ANKRD36B: variants seen among roughly 807,000 people sequenced by gnomAD.
ANKRD36B encodes the protein ankyrin repeat domain 36B.
A neutral mutation model predicts 135.7 loss-of-function variants in ANKRD36B; 37 were observed. The observed-to-expected ratio is 0.27, with a 90% CI of 0.21 to 0.36. ANKRD36B has a LOEUF of 0.36. Among genes scored for constraint, ANKRD36B ranks in the 10% least tolerant of loss-of-function variants. ANKRD36B has a pLI of 1.00. For synonymous variants in ANKRD36B, 179 were observed against 348.1 expected, an observed-to-expected ratio of 0.51 and a Z score of 5.41; for missense variants, 549 against 1,037.1, an observed-to-expected ratio of 0.53 and a Z score of 6.46.
rs1441277358 is a variant in ANKRD36B at position 97,578,993 on chromosome 2, A to C, written c.608T>G (p.Leu203Arg). ...CACATCAATATTGTGCTGCAGAAGA[A>C]GAATGACTATATCTTTTTCTCCAAG... ...VTLGEKDIVILLLQHNIDVFS... is the reference protein window; with the variant it reads ...VTLGEKDIVIRLLQHNIDVFS... Residue 203 changes from leucine to arginine, a missense_variant, in exon 5 of 44, where the codon CTT (leucine) becomes CGT (arginine). Coordinates refer to ENST00000359901, the MANE Select transcript of ANKRD36B (RefSeq NM_001393939.1). 2 of 1,612,616 alleles carry C rather than the reference A, an allele frequency of 1.2e-6. No homozygotes were observed. Among genetic ancestry groups the C allele is most frequent in the African/African-American group, 1.3e-5 (1 of 74,890 alleles).
intron 35 of ANKRD36B, among the ~76,000 whole-genome samples, chr2:97,531,981 T>C (rs537921043): frequency 1.0e-5 from 1 of 95,644 alleles, no homozygotes; most frequent in African/African-American, 3.1e-5. Flanking sequence ...GTCATCACTG[T>C]TAAATTGTTC....
chr2:97,588,196 C>T (rs1318895111), intron 1 of ANKRD36B, among the ~76,000 whole-genome samples: 2 of 152,162 alleles, frequency 1.3e-5, no homozygotes, highest in South Asian at 2.1e-4. Context: ...CCATAACGAA[C>T]TTATTTCTGT....
At chr2:97,546,613 T>C (rs750925880) in intron 22 of ANKRD36B, among the ~76,000 whole-genome samples, 5 of 151,726 alleles carry the variant, frequency 3.3e-5, no homozygotes, top group Non-Finnish European at 7.4e-5. Flanking sequence ...AAGCATTAGA[T>C]ATTAATCAGT....
intron 12 of ANKRD36B, 77 bp from the exon 13 acceptor site, chr2:97,555,331 A>G (rs1363408234): frequency 1.6e-5 from 25 of 1,585,578 alleles, no homozygotes; most frequent in Non-Finnish European, 2.0e-5. Flanking sequence ...AAATGTTAGC[A>G]TCAAGCTGTA....
chr2:97,566,859 A>C (rs548412315), intron 6 of ANKRD36B, among the ~76,000 whole-genome samples: 4 of 152,262 alleles, frequency 2.6e-5, no homozygotes, highest in Non-Finnish European at 5.9e-5. Flanking sequence ...ATTTTTCCCC[A>C]GCAACAAGCA....
At position 97,524,851 on chromosome 2, in the gene ANKRD36B, T is replaced by C. The variant is rs1160103209; in HGVS notation, c.2266-1384A>G. 1.2e-4 allele frequency: 12 copies of C among 97,212 alleles called. 6 individuals carry two copies. The highest frequency in any genetic ancestry group is 2.7e-4 in the Non-Finnish European group (10 of 36,542). 6.0% of individuals were successfully genotyped at this position (97,212 alleles called of 1,614,324 possible). A position where few individuals can be genotyped will look rare whatever the true frequency, so the allele number is the denominator to read the frequency against. On this transcript the variant is annotated intron_variant, in intron 35 of 43. Coordinates refer to ENST00000359901, the MANE Select transcript of ANKRD36B (RefSeq NM_001393939.1). ...TCTCATACTTTTGTGCACAAGTAAGTCCTGAATATATAAAGAGGTCCTTTC... is the reference window on the plus strand; with the variant it reads ...TCTCATACTTTTGTGCACAAGTAAGCCCTGAATATATAAAGAGGTCCTTTC...
chr2:97,532,763 G>C (rs1163088157), intron 34 of ANKRD36B, among the ~76,000 whole-genome samples: 1 of 89,738 alleles, frequency 1.1e-5, no homozygotes, highest in African/African-American at 3.3e-5. Flanking sequence ...TCTAAAACCA[G>C]AAAATAAAAG....
chr2:97,555,339 G>C, intron 12 of ANKRD36B, 85 bp from the exon 13 acceptor site: 1 of 1,577,426 alleles, frequency 6.3e-7, no homozygotes, highest in Non-Finnish European at 8.7e-7. Context: ...GCATCAAGCT[G>C]TATCTTCCTG....
chr2:97,589,504 C>T (rs2083272179), intron 1 of ANKRD36B, 21 bp downstream of exon 1: 1 of 1,559,796 alleles, frequency 6.4e-7, no homozygotes, highest in Non-Finnish European at 8.7e-7. Context: ...TCCCGCAGCC[C>T]CGGCTCCCGG....
chr2:97,543,595 T>C, intron 26 of ANKRD36B, among the ~76,000 whole-genome samples, 195 bp downstream of exon 26: 1 of 78,104 alleles, frequency 1.3e-5, no homozygotes, highest in Admixed American at 1.1e-4. Context: ...GGGAAGTCTA[T>C]ATAATCTTAC....
At chr2:97,589,442 C>T (rs2083264679) in intron 1 of ANKRD36B, 83 bp downstream of exon 1, 2 of 1,223,054 alleles carry the variant, frequency 1.6e-6, no homozygotes, top group Admixed American at 5.2e-5. Context: ...GGACCATCCG[C>T]CCCGCAGCCC....
intron 20 of ANKRD36B, 61 bp downstream of exon 20, chr2:97,549,358 G>T: frequency 6.6e-7 from 1 of 1,503,864 alleles, no homozygotes; most frequent in South Asian, 1.2e-5. Context: ...GATTTATTTG[G>T]GGAAGAGAAC....
intron 34 of ANKRD36B, among the ~76,000 whole-genome samples, chr2:97,533,424 A>T (rs1243063620): frequency 1.0e-5 from 1 of 96,772 alleles, no homozygotes; most frequent in Admixed American, 9.2e-5. Context: ...GTCAAAGCTG[A>T]TGGGAGGATG....
At position 97,578,263 on chromosome 2, in the gene ANKRD36B, C is replaced by G. The variant is rs551276561; in HGVS notation, c.695+643G>C. Among the ~76,000 whole-genome samples the G allele has an allele frequency of 2.7e-3, 409 of 152,076 alleles. 1 individual carries two copies. Among genetic ancestry groups the G allele is most frequent in the African/African-American group, 9.4e-3 (392 of 41,542 alleles). On this transcript the variant is annotated intron_variant, in intron 5 of 43. Coordinates refer to ENST00000359901, the MANE Select transcript of ANKRD36B (RefSeq NM_001393939.1). The stretch of plus-strand genomic sequence containing the variant: ...AAAAAAAACAGTTGTAACTTTGAAG[C>G]CTTTTTATGGATCAACATGAAGATT...
chr2:97,579,007 T>C lies in ANKRD36B; in HGVS notation c.594A>G (p.Lys198=). The change falls in exon 5 of 44, where the codon AAA becomes AAG. Residue 198 remains lysine, a synonymous_variant. Transcript: ENST00000359901. ...ALILAVTLGE[K]DIVILLLQHN... is the part of the protein sequence containing the mutation. ...GCTGCAGAAGAAGAATGACTATATC[T>C]TTTTCTCCAAGAGTAACAGCAAGTA... is the stretch of plus-strand genomic sequence containing the variant. 2 of 1,611,784 alleles carry C rather than the reference T, an allele frequency of 1.2e-6. No individual in the cohort carries two copies. The highest frequency in any genetic ancestry group is 2.2e-5 in the South Asian group (2 of 90,866).
chr2:97,549,866 C>A (rs549348058), intron 18 of ANKRD36B, among the ~76,000 whole-genome samples: 1 of 152,020 alleles, frequency 6.6e-6, no homozygotes, highest in East Asian at 1.9e-4. Context: ...TAAACTAAAA[C>A]CGTGTCAATA....
intron 18 of ANKRD36B, among the ~76,000 whole-genome samples, chr2:97,550,573 A>G (rs60857810): frequency 0.028 from 4,272 of 151,902 alleles, 189 homozygotes; most frequent in African/African-American, 0.096. Flanking sequence ...ATTCAAGTTT[A>G]TCTCATTTCT....
At chr2:97,553,731 C>T (rs554782333) in intron 14 of ANKRD36B, among the ~76,000 whole-genome samples, 1 of 151,870 alleles carries the variant, frequency 6.6e-6, no homozygotes, top group African/African-American at 2.4e-5. Flanking sequence ...GGCACATGCA[C>T]CCACATGTCT....
intron 1 of ANKRD36B, among the ~76,000 whole-genome samples, chr2:97,587,133 A>G (rs2083058997): frequency 6.6e-6 from 1 of 152,240 alleles, no homozygotes; most frequent in East Asian, 1.9e-4. Flanking sequence ...AGATCATGCC[A>G]CTGCACTGCA....
Sources: gnomAD v4.1 joint callset for allele counts (sites outside exome capture counted in the v4.1 genomes callset) on GRCh38, gnomAD v4.1.1 for gene constraint, MANE v1.5 for transcripts, NCBI Gene and HGNC (gene_info 2026-07-23, HGNC 2026-07-21) for gene names.